Variants in UPK1A observed in about 807,000 individuals in gnomAD.
The protein encoded by UPK1A is uroplakin 1A.
UPK1A carries 31 observed loss-of-function variants against 32.3 expected under a neutral mutation model. The observed-to-expected ratio is 0.96, with a 90% CI of 0.72 to 1.30. The LOEUF (loss-of-function observed/expected upper bound fraction) is 1.30. Among genes scored for constraint, UPK1A ranks in the 50% most tolerant of loss-of-function variants. The pLI is 0.00. For missense variants in UPK1A, 340 were observed against 357.4 expected (o/e 0.95, Z 0.39); for synonymous variants, 135 against 137.1 (o/e 0.98, Z 0.11).
chr19:35,672,027 A>G (rs981485920), intron 3 of UPK1A, among the ~76,000 whole-genome samples: 4 of 152,170 alleles, frequency 2.6e-5, no homozygotes, highest in African/African-American at 9.7e-5. Context: ...AATGTCATCC[A>G]TCTCCCAGCA....
rs766891755 is a variant in UPK1A at position 35,668,613 on chromosome 19, G to A, written c.244G>A (p.Val82Met). 2 of 1,614,028 alleles carry A rather than the reference G, an allele frequency of 1.2e-6. No homozygotes were observed. The highest frequency in any genetic ancestry group is 2.2e-5 in the East Asian group (1 of 44,890). Reference sequence around the variant, plus strand: ...CTTCTTCATGGTAGCCAGTTTTGGTGTGGGTGCCGCACTCTGCCGCCGCCG... The same window carrying A: ...CTTCTTCATGGTAGCCAGTTTTGGTATGGGTGCCGCACTCTGCCGCCGCCG... The change falls in exon 3 of 8, where the codon GTG (valine) becomes ATG (methionine). Residue 82 changes from valine (V) to methionine (M), a missense_variant. By Grantham distance (21) the Val-to-Met change is conservative. Coordinates refer to ENST00000617999, the Ensembl canonical transcript of UPK1A.
At chr19:35,668,507 C>T in exon 3 of UPK1A, 1 of 1,614,186 alleles carries the variant, frequency 6.2e-7, no homozygotes, top group Non-Finnish European at 8.5e-7. Flanking sequence ...CCGACCAGTA[C>T]CGTGTATACC....
In UPK1A at chr19:35,674,781, C is replaced by T. The variant is rs1599632543; in HGVS notation, c.469-1059C>T. On this transcript the variant is annotated intron_variant, in intron 5 of 7. Coordinates refer to ENST00000617999, the Ensembl canonical transcript of UPK1A. ...AATTGGCTGGGTGCAGTGGCTCAAA[C>T]CTATAATCCCAACACTTTGGGAGGC... is the stretch of plus-strand genomic sequence containing the variant. Among the ~76,000 whole-genome samples the T allele has an allele frequency of 5.9e-5, 9 of 152,100 alleles. No individual in the cohort carries two copies. The South Asian group carries it at 1.7e-3, about 28-fold the overall frequency.
chr19:35,677,908 G>A lies in UPK1A; in HGVS notation c.732+13G>A, dbSNP rs762586798. ...CCTGATGTGGACGGTGAGAGGCGGG[G>A]AGCCCACAGGCTGGGTGGGCTGGGG... On this transcript the variant is annotated intron_variant, in intron 7 of 7. Coordinates refer to ENST00000617999, the Ensembl canonical transcript of UPK1A. 11 of 1,605,148 alleles carry A rather than the reference G, an allele frequency of 6.9e-6. No homozygotes were observed. The highest frequency in any genetic ancestry group is 1.3e-5 in the African/African-American group (1 of 74,634).
rs142891627 is a variant in UPK1A at position 35,673,373 on chromosome 19, G to C, written c.361-65G>C. On this transcript the variant is annotated intron_variant, in intron 4 of 7. Transcript: ENST00000617999. ...GAGGGGCGAGGGTCCCGGCGCGGCG[G>C]GGCGGAGGTCGTCCTCTCTCCCCAC... is the stretch of plus-strand genomic sequence containing the variant. 7.7e-4 allele frequency: 1,236 copies of C among 1,611,168 alleles called. 15 individuals carry two copies. The African/African-American group carries it at 0.015, about 20-fold the overall frequency.
intron 2 of UPK1A, chr19:35,668,195 C>G: frequency 1.8e-6 from 1 of 551,300 alleles, no homozygotes; most frequent in Non-Finnish European, 3.3e-6. Context: ...GTCCACTGCT[C>G]CAGCCTTTCC....
At chr19:35,677,846 G>GCTA (rs765546537) in exon 7 of UPK1A, 1 of 1,612,066 alleles carries the variant, frequency 6.2e-7, no homozygotes, top group African/African-American at 1.3e-5. Flanking sequence ...GCCATCGACA[G>GCTA]CTACACGTGG....
chr19:35,676,197 T>TTCTTTCTTTCTTTCTTTCTTTCTTG, intron 6 of UPK1A, 178 bp downstream of exon 6: 1 of 728,964 alleles, frequency 1.4e-6, no homozygotes, highest in African/African-American at 1.8e-5. Context: ...CTTTCTTTCT[T>TTCTTTCTTTCTTTCTTTCTTTCTTG]TTTTTTTTTT....
chr19:35,670,373 C>T (rs1256462213), intron 3 of UPK1A, among the ~76,000 whole-genome samples: 1 of 144,252 alleles, frequency 6.9e-6, no homozygotes, highest in African/African-American at 2.6e-5. Flanking sequence ...GCTCCCCTCC[C>T]CTCCCTTCCC....
At chr19:35,669,304 C>T (rs1345048026) in intron 3 of UPK1A, among the ~76,000 whole-genome samples, 1 of 151,976 alleles carries the variant, frequency 6.6e-6, no homozygotes, top group Non-Finnish European at 1.5e-5. Flanking sequence ...TAATCTCTGC[C>T]CACAAGAATA....
intron 3 of UPK1A, among the ~76,000 whole-genome samples, chr19:35,669,835 CAG>C (rs1374705856): frequency 6.6e-6 from 1 of 152,198 alleles, no homozygotes; most frequent in Admixed American, 6.5e-5. Flanking sequence ...CCCAATGACA[CAG>C]AGACAGCACT....
At chr19:35,667,510 T>C (rs1191192839) in intron 2 of UPK1A, among the ~76,000 whole-genome samples, 1 of 151,470 alleles carries the variant, frequency 6.6e-6, no homozygotes, top group East Asian at 1.9e-4. Flanking sequence ...TTTTTTTTTT[T>C]TCAGACAGAT....
At chr19:35,677,951 C>A (rs747120945) in intron 7 of UPK1A, 24 bp from the exon 8 acceptor site, 1 of 1,588,936 alleles carries the variant, frequency 6.3e-7, no homozygotes, top group Non-Finnish European at 8.6e-7. Flanking sequence ...GCGGAGTGCC[C>A]TCATCTCGCT....
At chr19:35,676,064 C>T (rs1414102675) in intron 6 of UPK1A, 45 bp downstream of exon 6, 2 of 1,574,140 alleles carry the variant, frequency 1.3e-6, no homozygotes, top group Non-Finnish European at 1.7e-6. Context: ...ATCTGTCTGT[C>T]TTCCTCTGGT....
In UPK1A at chr19:35,666,860, G is replaced by C. The variant is rs202068352; in HGVS notation, c.48G>C (p.Val16=). Residue 16 remains valine (V), a synonymous_variant, in exon 2 of 8, where the codon GTG becomes GTC. Transcript: ENST00000617999. ...AGGCCGAGAAGGGATCTCCAGTTGT[G>C]GTGGGCCTGCTAGTTGTGGGCAATA... 28 of 1,614,108 alleles carry C rather than the reference G, an allele frequency of 1.7e-5. No homozygotes were observed. In the East Asian group the frequency reaches 5.1e-4, roughly 30 times the overall value.
intron 3 of UPK1A, among the ~76,000 whole-genome samples, chr19:35,668,958 C>T (rs1968045334): frequency 6.6e-6 from 1 of 151,604 alleles, no homozygotes; most frequent in African/African-American, 2.4e-5. Flanking sequence ...GCTGGGATTA[C>T]AGGCTTGAGC....
At chr19:35,668,367 A>G in intron 2 of UPK1A, 87 bp from the exon 3 acceptor site, 1 of 1,540,540 alleles carries the variant, frequency 6.5e-7, no homozygotes, top group Non-Finnish European at 8.9e-7. Flanking sequence ...TGGAGGCTCC[A>G]AATGGGGAGG....
At chr19:35,666,668 A>T in intron 1 of UPK1A, 130 bp downstream of exon 1, 1 of 797,472 alleles carries the variant, frequency 1.3e-6, no homozygotes, top group Non-Finnish European at 2.0e-6. Context: ...ATGCCTCCCC[A>T]CCAGGGCTGT....
At position 35,675,887 on chromosome 19, in the gene UPK1A, G is replaced by GA. The variant is rs542695953; in HGVS notation, c.516_517insA (p.Ser173IlefsTer139). The GA allele has an allele frequency of 6.1e-5, 99 of 1,613,978 alleles. 2 individuals carry two copies. The South Asian group carries it at 1.0e-3, about 17-fold the overall frequency. Reference sequence around the variant, plus strand: ...GTCCCATGGACTGGGTGAACTTCACGTCAGCCTTCCGGGCGGCCACTCCGG... The same window carrying GA: ...GTCCCATGGACTGGGTGAACTTCACGATCAGCCTTCCGGGCGGCCACTCCGG... On this transcript the variant is annotated frameshift_variant, in exon 6 of 8. Coordinates refer to ENST00000617999, the Ensembl canonical transcript of UPK1A. LOFTEE classifies it high-confidence loss of function.
Sources: gnomAD v4.1 joint callset for allele counts (sites outside exome capture counted in the v4.1 genomes callset) on GRCh38, gnomAD v4.1.1 for gene constraint, MANE v1.5 for transcripts, NCBI Gene and HGNC (gene_info 2026-07-23, HGNC 2026-07-21) for gene names.